STIMATE: variants seen among roughly 807,000 people sequenced by gnomAD.
STIMATE encodes the protein STIM activating enhancer, also known as store-operated calcium entry regulator STIMATE.
Under a neutral mutation model 36.7 loss-of-function variants are expected in STIMATE, and 15 were observed. That is an observed-to-expected ratio of 0.41 (90% CI 0.27 to 0.63). STIMATE has a LOEUF of 0.63. STIMATE is among the 20% of genes least tolerant of loss of function. STIMATE has a pLI of 0.32. For synonymous variants in STIMATE, 163 were observed against 162.3 expected (o/e 1.00, Z -0.03); for missense variants, 305 against 397.3 (o/e 0.77, Z 1.98).
Position 52,847,078 on chromosome 3 carries a change from A to T in STIMATE, c.428-2137T>A, listed in dbSNP as rs563701521. The T allele has an allele frequency of 2.3e-4, 81 of 349,282 alleles. 1 individual carries two copies. In the South Asian group the frequency reaches 9.4e-3, roughly 41 times the overall value. The allele number at this position is 349,282 out of a possible 1,614,324, so 21.6% of individuals were successfully genotyped here. On this transcript the variant is annotated intron_variant, in intron 4 of 7. Coordinates refer to ENST00000355083, the MANE Select transcript of STIMATE (RefSeq NM_198563.5). ...GTCATGTGCCTGGCTAATTAAAAAAAATTTTTTTTTTTGTAGAGACGGGAT... is the reference window on the plus strand; with the variant it reads ...GTCATGTGCCTGGCTAATTAAAAAATATTTTTTTTTTTGTAGAGACGGGAT...
chr3:52,897,208 C>G, intron 1 of STIMATE, 83 bp downstream of exon 1: 1 of 1,498,636 alleles, frequency 6.7e-7, no homozygotes, highest in Non-Finnish European at 8.9e-7. Context: ...GGCCTGAACT[C>G]TCCGCGCAGG....
At chr3:52,869,168 G>A (rs1396119693) in intron 1 of STIMATE, among the ~76,000 whole-genome samples, 3 of 152,182 alleles carry the variant, frequency 2.0e-5, no homozygotes, top group African/African-American at 7.2e-5. Flanking sequence ...AAAGGCGCTG[G>A]TCTGGTGCTC....
intron 1 of STIMATE, among the ~76,000 whole-genome samples, chr3:52,865,660 T>C (rs1022898200): frequency 6.6e-6 from 1 of 152,002 alleles, no homozygotes; most frequent in Non-Finnish European, 1.5e-5. Context: ...TCCTATCAGG[T>C]CCCCCCACCC....
chr3:52,891,360 T>C lies in STIMATE; in HGVS notation c.160+5931A>G, dbSNP rs375851366. Among the ~76,000 whole-genome samples, 30 of 152,164 alleles carry C rather than the reference T, an allele frequency of 2.0e-4. No individual in the cohort carries two copies. In the East Asian group the frequency reaches 5.4e-3, roughly 27 times the overall value. ...CTGTACAGGGTTCCTGTGAGGGGGG[T>C]TGGCATGCTGGGAACTCAGTGAAGA... is the stretch of plus-strand genomic sequence containing the variant. On this transcript the variant is annotated intron_variant, in intron 1 of 7. Coordinates refer to ENST00000355083, the MANE Select transcript of STIMATE (RefSeq NM_198563.5).
intron 7 of STIMATE, among the ~76,000 whole-genome samples, chr3:52,841,404 G>A (rs936134859): frequency 1.3e-5 from 2 of 152,208 alleles, no homozygotes; most frequent in Non-Finnish European, 2.9e-5. Flanking sequence ...GACAAACAGC[G>A]GCACTTTGCT....
chr3:52,873,990 T>A (rs538269885), intron 1 of STIMATE, among the ~76,000 whole-genome samples: 1 of 152,366 alleles, frequency 6.6e-6, no homozygotes, highest in South Asian at 2.1e-4. Flanking sequence ...ACAAAACACA[T>A]GAAAAGTTGC....
At chr3:52,857,862 C>A (rs1469370620) in intron 1 of STIMATE, among the ~76,000 whole-genome samples, 1 of 152,022 alleles carries the variant, frequency 6.6e-6, no homozygotes. Flanking sequence ...ACCCACAGCA[C>A]CTCAGAGCGA....
intron 7 of STIMATE, among the ~76,000 whole-genome samples, chr3:52,842,347 G>A (rs1258918499): frequency 6.6e-6 from 1 of 152,218 alleles, no homozygotes; most frequent in African/African-American, 2.4e-5. Context: ...AATAAGGGGG[G>A]GATGAGTTTC....
chr3:52,844,978 C>A, intron 4 of STIMATE, 37 bp from the exon 5 acceptor site: 1 of 1,606,592 alleles, frequency 6.2e-7, no homozygotes, highest in Non-Finnish European at 8.5e-7. Flanking sequence ...ACATGGGGCC[C>A]AGGCATCTGA....
At chr3:52,849,713 C>G (rs1578804233) in intron 4 of STIMATE, 79 bp downstream of exon 4, 1 of 1,529,108 alleles carries the variant, frequency 6.5e-7, no homozygotes, top group East Asian at 2.4e-5. Flanking sequence ...GATCTGTTTG[C>G]CTGGTGGGCC....
chr3:52,867,078 C>A (rs1171070649), intron 1 of STIMATE, among the ~76,000 whole-genome samples: 1 of 152,168 alleles, frequency 6.6e-6, no homozygotes, highest in East Asian at 1.9e-4. Context: ...TACCAGATGG[C>A]ATTTTTCAGA....
intron 1 of STIMATE, among the ~76,000 whole-genome samples, chr3:52,864,067 T>A (rs549088742): frequency 6.6e-6 from 1 of 152,334 alleles, no homozygotes; most frequent in Non-Finnish European, 1.5e-5. Flanking sequence ...TAGAGGACAG[T>A]GGCCCTCTTC....
At chr3:52,846,655 G>A (rs1251441588) in intron 4 of STIMATE, 1 of 152,170 alleles carries the variant, frequency 6.6e-6, no homozygotes, top group Non-Finnish European at 1.5e-5. Context: ...CTTAGCTACA[G>A]CTGCCTCTTT....
chr3:52,855,732 G>T lies in STIMATE; in HGVS notation c.161-288C>A, dbSNP rs371918638. The stretch of plus-strand genomic sequence containing the variant: ...TGACACACAAGGCTCACTCAGATAA[G>T]GATTGGTAATGACAAAGCGGAACGC... On this transcript the variant is annotated intron_variant, in intron 1 of 7. Transcript: ENST00000355083. Among the ~76,000 whole-genome samples, 30 of 152,328 alleles carry T rather than the reference G, an allele frequency of 2.0e-4. No homozygotes were observed. The East Asian group carries it at 5.4e-3, about 27-fold the overall frequency.
intron 1 of STIMATE, 119 bp from the exon 2 acceptor site, chr3:52,855,563 C>A: frequency 7.2e-7 from 1 of 1,391,566 alleles, no homozygotes; most frequent in Non-Finnish European, 1.0e-6. Context: ...TACACACACT[C>A]TTTTAACATG....
intron 1 of STIMATE, among the ~76,000 whole-genome samples, chr3:52,882,290 A>G (rs1157488876): frequency 6.6e-6 from 1 of 152,270 alleles, no homozygotes; most frequent in Admixed American, 6.5e-5. Flanking sequence ...TGGAAGCTGC[A>G]GTCTTCATAA....
chr3:52,873,573 A>G (rs902749804), intron 1 of STIMATE, among the ~76,000 whole-genome samples: 2 of 152,138 alleles, frequency 1.3e-5, no homozygotes, highest in Non-Finnish European at 2.9e-5. Flanking sequence ...GAACTAACTG[A>G]GCCTTCTGGG....
intron 1 of STIMATE, among the ~76,000 whole-genome samples, chr3:52,866,976 G>A (rs528457076): frequency 6.6e-6 from 1 of 152,354 alleles, no homozygotes; most frequent in South Asian, 2.1e-4. Flanking sequence ...GTCAGGTGCA[G>A]GGAAAGGCGT....
intron 1 of STIMATE, among the ~76,000 whole-genome samples, chr3:52,890,764 G>C (rs1471018710): frequency 1.3e-5 from 2 of 152,212 alleles, no homozygotes; most frequent in Non-Finnish European, 2.9e-5. Flanking sequence ...AACCAACAGG[G>C]AAATGAACTC....
Sources: allele counts gnomAD v4.1 joint callset (sites outside exome capture counted in the v4.1 genomes callset), GRCh38; gene constraint gnomAD v4.1.1; transcripts MANE v1.5; gene names NCBI Gene and HGNC (gene_info 2026-07-23, HGNC 2026-07-21).